Variants in KIAA1549 observed in about 807,000 individuals in gnomAD.
The protein encoded by KIAA1549 is KIAA1549, also known as UPF0606 protein KIAA1549.
KIAA1549 carries 70 observed loss-of-function variants against 156.4 expected under a neutral mutation model. That is an observed-to-expected ratio of 0.45 (90% confidence interval 0.37 to 0.55). KIAA1549 has a LOEUF of 0.55. Ranked by LOEUF, KIAA1549 falls within the 20% of genes least tolerant of loss-of-function variation. The probability of loss-of-function intolerance (pLI) is 0.00; values close to 1 mark genes in which losing one functional copy is unlikely to be tolerated. For missense variants in KIAA1549, 2,428 were observed against 2,540.9 expected (o/e 0.96, Z 0.96); for synonymous variants, 1,103 against 1,066.4 (o/e 1.03, Z -0.67).
intron 18 of KIAA1549, among the ~76,000 whole-genome samples, chr7:138,840,634 C>T (rs111820314): frequency 1.4e-4 from 22 of 152,238 alleles, no homozygotes; most frequent in African/African-American, 4.8e-4. Flanking sequence ...TAAGTCTGTC[C>T]CCCATTTCGC....
At chr7:138,915,545 C>G (rs1463235924) in intron 2 of KIAA1549, among the ~76,000 whole-genome samples, 1 of 152,058 alleles carries the variant, frequency 6.6e-6, no homozygotes, top group Non-Finnish European at 1.5e-5. Flanking sequence ...ATCCTCGCTC[C>G]CACCTGCCCA....
chr7:138,966,568 G>A (rs1814031853), intron 1 of KIAA1549, among the ~76,000 whole-genome samples: 1 of 151,884 alleles, frequency 6.6e-6, no homozygotes, highest in Non-Finnish European at 1.5e-5. Context: ...GGAGAAACAC[G>A]TAGGCTGGGA....
chr7:138,867,986 T>C lies in KIAA1549; in HGVS notation c.4918A>G (p.Ile1640Val), dbSNP rs1810799674. The C allele has an allele frequency of 6.2e-7, 1 of 1,613,828 alleles. No homozygotes were observed. Among genetic ancestry groups the C allele is most frequent in the South Asian group, 1.1e-5 (1 of 91,046 alleles). The change falls in exon 15 of 20, where the codon ATC becomes GTC. Residue 1640 changes from isoleucine to valine, a missense_variant. Around this residue, in one of 5 missense-constraint regions of KIAA1549, gnomAD observed 404 missense variants for 417.0 expected, o/e 0.97. Transcript: ENST00000422774. ...TCGGTGGCACGCACTGGGCATCCGATGTAGGCTGAGTTGTGGACGCCGGGG... is the reference window on the plus strand; with the variant it reads ...TCGGTGGCACGCACTGGGCATCCGACGTAGGCTGAGTTGTGGACGCCGGGG... ...RPPGVHNSAYIGCPSDPDLPA... is the reference protein window; with the variant it reads ...RPPGVHNSAYVGCPSDPDLPA...
At chr7:138,906,874 T>C (rs541682859) in intron 6 of KIAA1549, 45 bp downstream of exon 6, 5 of 1,341,390 alleles carry the variant, frequency 3.7e-6, no homozygotes, top group East Asian at 5.4e-5. Flanking sequence ...CCACCAAAAA[T>C]GCCCGCCATC....
chr7:138,849,668 C>A (rs755206545), intron 17 of KIAA1549, among the ~76,000 whole-genome samples: 10 of 151,896 alleles, frequency 6.6e-5, no homozygotes, highest in Non-Finnish European at 1.3e-4. Flanking sequence ...CTCCTAGGTA[C>A]TAAGCCTAGT....
Position 138,832,474 on chromosome 7 carries a change from G to A in KIAA1549, c.*5432C>T, listed in dbSNP as rs763871184. On this transcript the variant is annotated 3_prime_UTR_variant, in exon 20 of 20. Transcript: ENST00000422774. ...TCAGCCTCCCAAAGCGTTGAGATTA[G>A]AGGCTTGAGCCACCATGCCCAGCCT... 2 of 194,876 alleles carry A rather than the reference G, an allele frequency of 1.0e-5. No individual in the cohort carries two copies. Among genetic ancestry groups the A allele is most frequent in the African/African-American group, 2.3e-5 (1 of 43,226 alleles). 12.1% of individuals were successfully genotyped at this position (194,876 alleles called of 1,614,324 possible).
intron 1 of KIAA1549, among the ~76,000 whole-genome samples, chr7:138,967,071 C>T (rs912041786): frequency 2.6e-5 from 4 of 152,096 alleles, no homozygotes; most frequent in Non-Finnish European, 5.9e-5. Flanking sequence ...TGACACCTAC[C>T]GCGGAGTAAC....
chr7:138,953,153 C>T (rs192329982), intron 1 of KIAA1549, among the ~76,000 whole-genome samples: 30 of 152,266 alleles, frequency 2.0e-4, no homozygotes, highest in African/African-American at 6.5e-4. Context: ...GCCAGAAGTT[C>T]GAGACCAGCC....
rs558389108 is a variant in KIAA1549 at position 138,871,241 on chromosome 7, G to C, written c.4467C>G (p.Ile1489Met). ...SRRVPSKIQLIAMQPIPAPPV... is the reference protein window; with the variant it reads ...SRRVPSKIQLMAMQPIPAPPV... ...GAGGTGCCGGGATCGGCTGCATGGC[G>C]ATAAGCTGGATCTTACTGGGGACCC... is the stretch of plus-strand genomic sequence containing the variant. The change falls in exon 13 of 20, where the codon ATC becomes ATG. Residue 1489 changes from isoleucine (I) to methionine (M), a missense_variant. Physicochemically the swap from Ile to Met is conservative, Grantham distance 10. Coordinates refer to ENST00000422774, the MANE Select transcript of KIAA1549 (RefSeq NM_001164665.2). 2 of 1,613,044 alleles carry C rather than the reference G, an allele frequency of 1.2e-6. No homozygotes were observed. Among genetic ancestry groups the C allele is most frequent in the African/African-American group, 2.7e-5 (2 of 75,056 alleles).
At chr7:138,979,046 T>A (rs1814462618) in intron 1 of KIAA1549, among the ~76,000 whole-genome samples, 1 of 152,238 alleles carries the variant, frequency 6.6e-6, no homozygotes, top group Admixed American at 6.5e-5. Flanking sequence ...CTTCCTTCAC[T>A]GCTCTGTGTT....
At chr7:138,873,452 G>A (rs1810992805) in intron 12 of KIAA1549, among the ~76,000 whole-genome samples, 1 of 152,166 alleles carries the variant, frequency 6.6e-6, no homozygotes, top group Non-Finnish European at 1.5e-5. Context: ...TCTCCAGACA[G>A]GCTAGCCCTG....
chr7:138,928,893 T>G lies in KIAA1549; in HGVS notation c.188-9455A>C, dbSNP rs181553074. Among the ~76,000 whole-genome samples, 12 of 152,252 alleles carry G rather than the reference T, an allele frequency of 7.9e-5. No individual in the cohort carries two copies. In the East Asian group the frequency reaches 1.5e-3, roughly 20 times the overall value. On this transcript the variant is annotated intron_variant, in intron 1 of 19. Transcript: ENST00000422774. ...ATGTTGTGCACATGTACCCTAGAAC[T>G]TAAAGTATAATAAAAAATACATTAA...
At chr7:138,885,594 C>G (rs1213423256) in intron 10 of KIAA1549, among the ~76,000 whole-genome samples, 1 of 152,350 alleles carries the variant, frequency 6.6e-6, no homozygotes, top group African/African-American at 2.4e-5. Context: ...ACCGTATCAA[C>G]CCAAATTGTA....
At chr7:138,944,103 T>G (rs1813274627) in intron 1 of KIAA1549, among the ~76,000 whole-genome samples, 2 of 151,914 alleles carry the variant, frequency 1.3e-5, no homozygotes, top group African/African-American at 4.8e-5. Context: ...ATGGCCCCAT[T>G]TTTTAAGATT....
rs1223401344 is a variant in KIAA1549 at position 138,890,913 on chromosome 7, T to G, written c.4032+3429A>C. On this transcript the variant is annotated intron_variant, in intron 10 of 19. Transcript: ENST00000422774. ...GGCCTGGCTCTCTGCCACCTGGCTT[T>G]CGGCTGTGCCCTTTTTTATGACCTT... Among the ~76,000 whole-genome samples, 2 of 152,348 alleles carry G rather than the reference T, an allele frequency of 1.3e-5. 1 individual carries two copies. Among genetic ancestry groups the G allele is most frequent in the South Asian group, 4.1e-4 (2 of 4,826 alleles).
chr7:138,842,079 G>T (rs1433825189), intron 18 of KIAA1549, among the ~76,000 whole-genome samples: 3 of 152,216 alleles, frequency 2.0e-5, no homozygotes, highest in Non-Finnish European at 4.4e-5. Flanking sequence ...AACAGACGTT[G>T]TTTGAGCAAA....
chr7:138,881,982 G>A (rs1348551798), intron 10 of KIAA1549, among the ~76,000 whole-genome samples: 1 of 152,250 alleles, frequency 6.6e-6, no homozygotes, highest in Non-Finnish European at 1.5e-5. Flanking sequence ...TCAGGAAGCA[G>A]AGAACACTGA....
intron 1 of KIAA1549, among the ~76,000 whole-genome samples, chr7:138,965,645 C>T (rs1584789554): frequency 6.6e-6 from 1 of 151,892 alleles, no homozygotes; most frequent in African/African-American, 2.4e-5. Flanking sequence ...AAGTGTGAAG[C>T]GAAAAAAAGC....
intron 17 of KIAA1549, among the ~76,000 whole-genome samples, chr7:138,850,629 AG>A (rs1810208690): frequency 6.6e-6 from 1 of 152,148 alleles, no homozygotes; most frequent in Admixed American, 6.5e-5. Context: ...CCCATTCTAT[AG>A]GACAGACAGC....
Sources: gnomAD v4.1 joint callset for allele counts (sites outside exome capture counted in the v4.1 genomes callset) on GRCh38, gnomAD v4.1.1 for gene constraint, gnomAD v4.1.1 regional missense constraint, MANE v1.5 for transcripts, NCBI Gene and HGNC (gene_info 2026-07-23, HGNC 2026-07-21) for gene names.